SNX8: variants seen among roughly 807,000 people sequenced by gnomAD.
SNX8 encodes the protein sorting nexin-8.
Under a neutral mutation model 51.6 loss-of-function variants are expected in SNX8, and 25 were observed. That is an observed-to-expected ratio of 0.48 (90% CI 0.35 to 0.68). The LOEUF (loss-of-function observed/expected upper bound fraction) is 0.68, where lower values mean the gene tolerates loss of function less well. Ranked by LOEUF, SNX8 falls within the 30% of genes least tolerant of loss-of-function variation. The pLI, the probability that SNX8 is intolerant of heterozygous loss-of-function variation, is 0.00. For synonymous variants in SNX8, 324 were observed against 277.0 expected, an observed-to-expected ratio of 1.17 and a Z score of -1.68; for missense variants, 695 against 624.0, an observed-to-expected ratio of 1.11 and a Z score of -1.21.
intron 1 of SNX8, among the ~76,000 whole-genome samples, chr7:2,332,166 C>T (rs1054674855): frequency 1.3e-5 from 2 of 151,648 alleles, no homozygotes; most frequent in Admixed American, 1.3e-4. Flanking sequence ...AAGATCACAC[C>T]ACTGTACTCC....
At chr7:2,269,205 G>C (rs1795577050) in intron 5 of SNX8, among the ~76,000 whole-genome samples, 1 of 150,858 alleles carries the variant, frequency 6.6e-6, no homozygotes, top group Non-Finnish European at 1.5e-5. Context: ...CTCTGCCTTG[G>C]GATCCTGTTG....
At chr7:2,259,678 G>A (rs572838758) in intron 7 of SNX8, among the ~76,000 whole-genome samples, 10 of 152,330 alleles carry the variant, frequency 6.6e-5, no homozygotes, top group Admixed American at 3.3e-4. Flanking sequence ...CAGGAGAAGA[G>A]GTGTGTTAAG....
At chr7:2,320,052 G>C (rs1465931171) in intron 1 of SNX8, among the ~76,000 whole-genome samples, 1 of 151,798 alleles carries the variant, frequency 6.6e-6, no homozygotes. Context: ...TACCTTTATT[G>C]TATTTTTACA....
intron 1 of SNX8, among the ~76,000 whole-genome samples, chr7:2,335,376 T>C (rs988445094): frequency 1.3e-5 from 2 of 151,650 alleles, no homozygotes; most frequent in African/African-American, 4.8e-5. Flanking sequence ...TAGCCGGGCG[T>C]GGTGGCTCAC....
At chr7:2,289,480 C>T (rs1395346523) in intron 1 of SNX8, among the ~76,000 whole-genome samples, 2 of 152,236 alleles carry the variant, frequency 1.3e-5, no homozygotes, top group South Asian at 2.1e-4. Context: ...CGTCCGTCTT[C>T]CCTCATTCCA....
chr7:2,274,242 G>A (rs959433557), intron 3 of SNX8, among the ~76,000 whole-genome samples: 2 of 152,256 alleles, frequency 1.3e-5, no homozygotes, highest in African/African-American at 2.4e-5. Context: ...ACCCTGGGCT[G>A]CTTGCTCAGT....
upstream of SNX8, chr7:2,314,604 C>A: frequency 2.2e-6 from 1 of 449,698 alleles, no homozygotes; most frequent in Non-Finnish European, 3.0e-6. Flanking sequence ...TACAACCCGC[C>A]TAGCCACGCC....
At chr7:2,268,556 T>G in intron 5 of SNX8, among the ~76,000 whole-genome samples, 3 of 130,548 alleles carry the variant, frequency 2.3e-5, no homozygotes, top group Non-Finnish European at 3.2e-5. Flanking sequence ...GGTGGGGGGG[T>G]CAGCCCCCCG....
At chr7:2,323,076 T>C (rs990490557) in intron 1 of SNX8, among the ~76,000 whole-genome samples, 6 of 152,188 alleles carry the variant, frequency 3.9e-5, no homozygotes, top group African/African-American at 1.4e-4. Context: ...ACACCTGTAA[T>C]CCCAGCACTT....
chr7:2,257,860 C>A, intron 7 of SNX8, 57 bp from the exon 8 acceptor site: 1 of 1,540,100 alleles, frequency 6.5e-7, no homozygotes. Flanking sequence ...GGTCCCTGCC[C>A]GGGAACTCAG....
chr7:2,287,960 T>C (rs1007338888), intron 1 of SNX8: 3 of 152,460 alleles, frequency 2.0e-5, no homozygotes, highest in African/African-American at 7.2e-5. Context: ...GGCTATACTC[T>C]TCAGTGTGGC....
At chr7:2,275,080 C>T (rs780756811) in intron 3 of SNX8, 32 bp downstream of exon 3, 3 of 1,472,714 alleles carry the variant, frequency 2.0e-6, no homozygotes, top group South Asian at 2.3e-5. Flanking sequence ...CTCGCTCCCT[C>T]CGCCCCCGGT....
intron 1 of SNX8, among the ~76,000 whole-genome samples, chr7:2,305,575 G>C (rs1188427934): frequency 1.3e-5 from 2 of 152,008 alleles, no homozygotes; most frequent in Non-Finnish European, 2.9e-5. Context: ...TGTTGGTCAT[G>C]CTGGTCTCGA....
upstream of SNX8, among the ~76,000 whole-genome samples, chr7:2,317,360 C>A (rs553280464): frequency 1.5e-4 from 22 of 144,764 alleles, no homozygotes; most frequent in Non-Finnish European, 2.2e-4. Context: ...CTCACTGCAA[C>A]CTCCGCCTCC....
intron 1 of SNX8, among the ~76,000 whole-genome samples, chr7:2,288,934 C>CAGATGTAGAG: frequency 1.3e-5 from 2 of 152,206 alleles, no homozygotes; most frequent in Admixed American, 1.3e-4. Context: ...ATGAGGTTTC[C>CAGATGTAGAG]CCATGTTGCT....
At chr7:2,341,705 C>T (rs747877072) in intron 1 of SNX8, among the ~76,000 whole-genome samples, 28 of 151,992 alleles carry the variant, frequency 1.8e-4, no homozygotes, top group Non-Finnish European at 3.7e-4. Context: ...AAACAAGCAT[C>T]GGCCACGCGC....
At chr7:2,268,331 G>GC (rs1043003261) in intron 5 of SNX8, among the ~76,000 whole-genome samples, 4 of 143,836 alleles carry the variant, frequency 2.8e-5, no homozygotes, top group African/African-American at 1.0e-4. Flanking sequence ...GAAGTGAGGA[G>GC]CCCCTCCGCC....
chr7:2,307,564 G>A lies in SNX8; in HGVS notation c.94+6764C>T, dbSNP rs535804541. ...GAAGACTCGCTTGAACCCGGGAGGCGGAGGGTGCAGTGTGCCGAGATCGCA... is the reference window on the plus strand; with the variant it reads ...GAAGACTCGCTTGAACCCGGGAGGCAGAGGGTGCAGTGTGCCGAGATCGCA... On this transcript the variant is annotated intron_variant, in intron 1 of 10. Coordinates refer to ENST00000222990, the MANE Select transcript of SNX8 (RefSeq NM_013321.4). Among the ~76,000 whole-genome samples, 6 of 150,622 alleles carry A rather than the reference G, an allele frequency of 4.0e-5. No individual in the cohort carries two copies. The East Asian group carries it at 7.8e-4, about 20-fold the overall frequency.
At chr7:2,265,505 C>T (rs979865208) in intron 5 of SNX8, among the ~76,000 whole-genome samples, 5 of 151,042 alleles carry the variant, frequency 3.3e-5, no homozygotes, top group East Asian at 2.0e-4. Flanking sequence ...ATTAGCCAGG[C>T]GTGGTGGAGC....
Sources: gnomAD v4.1 joint callset for allele counts (sites outside exome capture counted in the v4.1 genomes callset) on GRCh38, gnomAD v4.1.1 for gene constraint, MANE v1.5 for transcripts, NCBI Gene and HGNC (gene_info 2026-07-23, HGNC 2026-07-21) for gene names.